Variants in CHD6 observed in about 807,000 individuals in gnomAD.
The protein encoded by CHD6 is chromodomain helicase DNA binding protein 6, also known as ATP-dependent chromatin remodeler CHD6.
In CHD6, 50 loss-of-function variants were observed where a neutral mutation model predicts 276.9. That is an observed-to-expected ratio of 0.18 (90% CI 0.14 to 0.23). CHD6 has a LOEUF of 0.23. Among genes scored for constraint, CHD6 ranks in the 10% least tolerant of loss-of-function variants. The probability of loss-of-function intolerance (pLI) is 1.00; values close to 1 mark genes in which losing one functional copy is unlikely to be tolerated. For missense variants in CHD6, 2,564 were observed against 3,365.8 expected (o/e 0.76, Z 5.89); for synonymous variants, 1,173 against 1,229.3 (o/e 0.95, Z 0.96).
chr20:41,526,926 C>T (rs1211059778), intron 3 of CHD6, among the ~76,000 whole-genome samples: 2 of 152,160 alleles, frequency 1.3e-5, no homozygotes, highest in Admixed American at 6.5e-5. Flanking sequence ...CTGGGGAATC[C>T]ACTTTTCTAA....
At chr20:41,445,198 G>A (rs1390090029) in intron 25 of CHD6, among the ~76,000 whole-genome samples, 1 of 152,196 alleles carries the variant, frequency 6.6e-6, no homozygotes. Context: ...TATCTTCTAT[G>A]CTTAGTTTTT....
At chr20:41,495,705 A>C (rs1396992815) in intron 8 of CHD6, among the ~76,000 whole-genome samples, 1 of 152,240 alleles carries the variant, frequency 6.6e-6, no homozygotes, top group East Asian at 1.9e-4. Flanking sequence ...GTTATTTCAC[A>C]ATGTAAACAT....
chr20:41,516,712 T>C (rs866524786), intron 3 of CHD6, among the ~76,000 whole-genome samples: 1 of 152,068 alleles, frequency 6.6e-6, no homozygotes, highest in Non-Finnish European at 1.5e-5. Flanking sequence ...CACTATGTGA[T>C]GGAGCTCAAA....
chr20:41,489,777 C>A lies in CHD6; in HGVS notation c.1680+1G>T, dbSNP rs2043505504. 1 of 1,613,836 alleles carries A rather than the reference C, an allele frequency of 6.2e-7. No homozygotes were observed. ...GGTCTCTGATCTCACGTGAGGCTCA[C>A]CTGGGCGTCTCTGTACACCATTTCA... On this transcript the variant is annotated splice_donor_variant, in intron 12 of 36. Coordinates refer to ENST00000373233, the MANE Select transcript of CHD6 (RefSeq NM_032221.5). LOFTEE classifies it high-confidence loss of function.
At chr20:41,468,397 A>C (rs192351135) in intron 17 of CHD6, among the ~76,000 whole-genome samples, 122 of 152,278 alleles carry the variant, frequency 8.0e-4, no homozygotes, top group African/African-American at 2.9e-3. Flanking sequence ...GGCATGAGCC[A>C]CCGCGCCCAG....
chr20:41,548,013 T>C, intron 2 of CHD6: 1 of 224,140 alleles, frequency 4.5e-6, no homozygotes, highest in Non-Finnish European at 8.9e-6. Flanking sequence ...AGGTCAGAGT[T>C]TCAATCCTGT....
chr20:41,409,473 G>C (rs759411502), intron 36 of CHD6, among the ~76,000 whole-genome samples: 1 of 152,218 alleles, frequency 6.6e-6, no homozygotes, highest in Non-Finnish European at 1.5e-5. Context: ...CCTCATCAAT[G>C]CATGGTGGCA....
At chr20:41,457,897 C>T (rs1191577851) in intron 17 of CHD6, among the ~76,000 whole-genome samples, 2 of 152,190 alleles carry the variant, frequency 1.3e-5, no homozygotes, top group African/African-American at 2.4e-5. Flanking sequence ...TTACCACACT[C>T]CACCCTCCCA....
intron 1 of CHD6, among the ~76,000 whole-genome samples, chr20:41,563,472 A>G (rs2045323981): frequency 6.6e-6 from 1 of 152,206 alleles, no homozygotes; most frequent in Non-Finnish European, 1.5e-5. Context: ...CATTCGCACA[A>G]TCAGAACTGA....
At chr20:41,555,017 C>A (rs1329216970) in intron 1 of CHD6, among the ~76,000 whole-genome samples, 6 of 149,680 alleles carry the variant, frequency 4.0e-5, no homozygotes, top group African/African-American at 1.5e-4. Context: ...GGGCTGACCC[C>A]CCCACCTCCC....
intron 1 of CHD6, among the ~76,000 whole-genome samples, chr20:41,579,841 A>T (rs142084387): frequency 1.4e-4 from 21 of 152,212 alleles, no homozygotes; most frequent in African/African-American, 4.8e-4. Flanking sequence ...GCCTCTTTCT[A>T]CTTTTCAAGC....
chr20:41,431,080 G>A (rs940493841), intron 27 of CHD6, among the ~76,000 whole-genome samples: 2 of 152,012 alleles, frequency 1.3e-5, no homozygotes, highest in Non-Finnish European at 2.9e-5. Context: ...TGATCCACCC[G>A]CCTCAGCCTC....
intron 27 of CHD6, among the ~76,000 whole-genome samples, chr20:41,428,666 T>A (rs1016960917): frequency 6.6e-6 from 1 of 152,170 alleles, no homozygotes; most frequent in Non-Finnish European, 1.5e-5. Context: ...GAGAATGGCA[T>A]AAACTTCAGG....
intron 1 of CHD6, among the ~76,000 whole-genome samples, chr20:41,569,700 T>C (rs1033781973): frequency 6.6e-6 from 1 of 152,078 alleles, no homozygotes; most frequent in Admixed American, 6.6e-5. Context: ...AAATATTTAA[T>C]AACAATAAGG....
Position 41,402,126 on chromosome 20 carries a change from A to G in CHD6, c.*2467T>C. The G allele has an allele frequency of 5.1e-6, 1 of 197,292 alleles. No individual in the cohort carries two copies. Among genetic ancestry groups the G allele is most frequent in the Non-Finnish European group, 1.1e-5 (1 of 95,076 alleles). 12.2% of individuals were successfully genotyped at this position (197,292 alleles called of 1,614,324 possible). The stretch of plus-strand genomic sequence containing the variant: ...TTTTGTTTTTAAATCCAGGATCAAG[A>G]CCACAATTTATTATGTAAGACATGG... On this transcript the variant is annotated 3_prime_UTR_variant, in exon 37 of 37. Coordinates refer to ENST00000373233, the MANE Select transcript of CHD6 (RefSeq NM_032221.5).
chr20:41,615,808 A>G (rs1226514582), intron 1 of CHD6, among the ~76,000 whole-genome samples: 1 of 152,218 alleles, frequency 6.6e-6, no homozygotes, highest in East Asian at 1.9e-4. Flanking sequence ...ATCAAGCCTG[A>G]TGTTGTGGAA....
chr20:41,604,787 A>G lies in CHD6; in HGVS notation c.-24+13553T>C, dbSNP rs1374344997. ...GGAAGAAGGCTCAGGAAGCTGGGCC[A>G]CACCATTTTCCAAGGGTTTTCATTT... On this transcript the variant is annotated intron_variant, in intron 1 of 36. Coordinates refer to ENST00000373233, the MANE Select transcript of CHD6 (RefSeq NM_032221.5). 2.0e-5 allele frequency among the ~76,000 whole-genome samples: 3 copies of G among 152,290 alleles called. No individual in the cohort carries two copies. The East Asian group carries it at 5.8e-4, about 30-fold the overall frequency.
chr20:41,472,095 G>A (rs563347973), intron 17 of CHD6, among the ~76,000 whole-genome samples: 19 of 152,156 alleles, frequency 1.2e-4, no homozygotes, highest in East Asian at 5.8e-4. Context: ...TTAGCCAGGC[G>A]TGGTGGCAGG....
intron 1 of CHD6, among the ~76,000 whole-genome samples, chr20:41,553,550 A>G (rs768655828): frequency 1.1e-4 from 16 of 152,234 alleles, no homozygotes; most frequent in Admixed American, 2.6e-4. Flanking sequence ...TTAGGCTATT[A>G]GCAAATCGGG....
Sources: allele counts gnomAD v4.1 joint callset (sites outside exome capture counted in the v4.1 genomes callset), GRCh38; gene constraint gnomAD v4.1.1; transcripts MANE v1.5; gene names NCBI Gene and HGNC (gene_info 2026-07-23, HGNC 2026-07-21).